Variants in GDPD1 observed in about 807,000 individuals in gnomAD.
GDPD1 encodes glycerophosphodiester phosphodiesterase domain containing 1.
In GDPD1, 28 loss-of-function variants were observed where a neutral mutation model predicts 45.1. That is an observed-to-expected ratio of 0.62 (90% CI 0.46 to 0.85). The LOEUF (loss-of-function observed/expected upper bound fraction) is 0.85. Among genes scored for constraint, GDPD1 ranks in the 40% least tolerant of loss-of-function variants. The probability of loss-of-function intolerance (pLI) is 0.00; values close to 1 mark genes in which losing one functional copy is unlikely to be tolerated. For synonymous variants in GDPD1, 139 were observed against 131.4 expected, an observed-to-expected ratio of 1.06 and a Z score of -0.40; for missense variants, 256 against 364.8, an observed-to-expected ratio of 0.70 and a Z score of 2.43.
intron 3 of GDPD1, among the ~76,000 whole-genome samples, chr17:59,246,709 CAAAAAA>C (rs749077536): frequency 7.3e-5 from 2 of 27,566 alleles, no homozygotes; most frequent in South Asian, 2.6e-3. Flanking sequence ...GACTCCATCT[CAAAAAA>C]AAAAAAAAAA....
intron 4 of GDPD1, among the ~76,000 whole-genome samples, chr17:59,255,743 CAAAAAA>C (rs1174794003): frequency 3.1e-3 from 82 of 26,574 alleles, no homozygotes; most frequent in East Asian, 8.8e-3. Flanking sequence ...AACTCCGTCT[CAAAAAA>C]AAAAAAAAAA....
intron 6 of GDPD1, among the ~76,000 whole-genome samples, chr17:59,262,641 T>TG (rs969159846): frequency 1.3e-5 from 2 of 149,972 alleles, no homozygotes; most frequent in East Asian, 1.9e-4. Context: ...TTTTTTTTGT[T>TG]TTTTTTTTTT....
intron 1 of GDPD1, among the ~76,000 whole-genome samples, chr17:59,227,860 A>C (rs1267406383): frequency 1.3e-5 from 2 of 152,222 alleles, no homozygotes; most frequent in Non-Finnish European, 2.9e-5. Flanking sequence ...ATGTTAAGAA[A>C]TGAAAAGTTA....
chr17:59,255,756 AAAAAAAAT>A (rs1191865309), intron 4 of GDPD1, among the ~76,000 whole-genome samples: 4 of 80,854 alleles, frequency 4.9e-5, no homozygotes, highest in African/African-American at 1.6e-4. Context: ...AAAAAAAAAA[AAAAAAAAT>A]ATATATATAT....
intron 2 of GDPD1, among the ~76,000 whole-genome samples, chr17:59,236,118 A>AT (rs1007583067): frequency 2.0e-5 from 3 of 152,022 alleles, no homozygotes; most frequent in African/African-American, 4.8e-5. Context: ...TTTTCTCCAT[A>AT]TTTTTTTGTT....
chr17:59,248,291 C>A (rs2047227634), intron 3 of GDPD1, among the ~76,000 whole-genome samples: 1 of 151,108 alleles, frequency 6.6e-6, no homozygotes, highest in African/African-American at 2.4e-5. Context: ...AGAGTGATAC[C>A]CTGTCTCAAA....
At chr17:59,250,460 A>G (rs1020735304) in intron 4 of GDPD1, among the ~76,000 whole-genome samples, 1 of 151,954 alleles carries the variant, frequency 6.6e-6, no homozygotes, top group East Asian at 1.9e-4. Context: ...GTCTCTAAAA[A>G]AAATATTAGC....
chr17:59,244,205 G>A (rs1271756359), intron 2 of GDPD1, among the ~76,000 whole-genome samples: 1 of 152,124 alleles, frequency 6.6e-6, no homozygotes, highest in Non-Finnish European at 1.5e-5. Context: ...CCGGGGTCTT[G>A]CGTCCCTTCT....
Position 59,239,398 on chromosome 17 carries a change from AT to A in GDPD1, c.185+4873del, listed in dbSNP as rs955568938. The stretch of plus-strand genomic sequence containing the variant: ...TTGGCATCTCCAACTTCTTTTTTGT[AT>A]TTTTTTTTGTATTTGTCAACAGCTT... On this transcript the variant is annotated intron_variant, in intron 2 of 9. Coordinates refer to ENST00000284116, the MANE Select transcript of GDPD1 (RefSeq NM_182569.4). Among the ~76,000 whole-genome samples the A allele has an allele frequency of 6.0e-5, 9 of 149,942 alleles. No individual in the cohort carries two copies. In the East Asian group the frequency reaches 1.4e-3, roughly 23 times the overall value.
At chr17:59,231,035 C>T (rs530009139) in intron 1 of GDPD1, among the ~76,000 whole-genome samples, 2 of 152,238 alleles carry the variant, frequency 1.3e-5, no homozygotes, top group South Asian at 2.1e-4. Flanking sequence ...CTTACCAGTC[C>T]GTTATGCTAC....
At chr17:59,248,362 C>T (rs1025345528) in intron 3 of GDPD1, among the ~76,000 whole-genome samples, 1 of 151,454 alleles carries the variant, frequency 6.6e-6, no homozygotes, top group African/African-American at 2.4e-5. Flanking sequence ...TATAATTATA[C>T]CAAAATTTGC....
intron 1 of GDPD1, among the ~76,000 whole-genome samples, chr17:59,223,160 T>C (rs1360224473): frequency 6.6e-6 from 1 of 152,180 alleles, no homozygotes; most frequent in East Asian, 1.9e-4. Context: ...TTTAAAACTA[T>C]TTTCTTCCTA....
chr17:59,251,991 C>CA (rs34224346), intron 4 of GDPD1, among the ~76,000 whole-genome samples: 1,384 of 60,564 alleles, frequency 0.023, 91 homozygotes, highest in African/African-American at 0.06. Context: ...GACTCAGTCT[C>CA]AAAAAAAAAA....
chr17:59,258,506 G>T (rs1006292685), intron 6 of GDPD1, among the ~76,000 whole-genome samples: 1 of 152,092 alleles, frequency 6.6e-6, no homozygotes, highest in African/African-American at 2.4e-5. Context: ...TCATGCCACT[G>T]CACTCCAGTC....
chr17:59,261,949 G>A (rs1318979805), intron 6 of GDPD1, among the ~76,000 whole-genome samples: 1 of 107,778 alleles, frequency 9.3e-6, no homozygotes, highest in Non-Finnish European at 1.7e-5. Flanking sequence ...ACGGAGTCTC[G>A]CTCTGTCGCC....
rs1356074917 is a variant in GDPD1, at chr17:59,238,558, C to T, written c.185+4024C>T. Among the ~76,000 whole-genome samples the T allele has an allele frequency of 2.0e-5, 3 of 151,698 alleles. No homozygotes were observed. The East Asian group carries it at 5.9e-4, about 30-fold the overall frequency. ...CCTCCCGAGTAGCTGGGACTACAGG[C>T]GCATGCCAGCATGCCCAGCTAATTT... On this transcript the variant is annotated intron_variant, in intron 2 of 9. Coordinates refer to ENST00000284116, the MANE Select transcript of GDPD1 (RefSeq NM_182569.4).
At chr17:59,263,661 G>T (rs1269539692) in intron 6 of GDPD1, among the ~76,000 whole-genome samples, 1 of 151,166 alleles carries the variant, frequency 6.6e-6, no homozygotes, top group African/African-American at 2.4e-5. Flanking sequence ...TGTATTTTTA[G>T]TAGAGACGGG....
chr17:59,243,192 GA>G (rs979919340), intron 2 of GDPD1, among the ~76,000 whole-genome samples: 23 of 149,260 alleles, frequency 1.5e-4, no homozygotes, highest in African/African-American at 4.9e-4. Context: ...CTGTCTAAAA[GA>G]AAAAAAAAAT....
rs971099142 is a variant in GDPD1 at position 59,274,647 on chromosome 17, T to TGGGC, written c.*875_*878dup. 6.9e-6 allele frequency: 1 copy of TGGGC among 145,718 alleles called. No individual in the cohort carries two copies. The highest frequency in any genetic ancestry group is 1.5e-5 in the Non-Finnish European group (1 of 66,964). 9.0% of individuals were successfully genotyped at this position (145,718 alleles called of 1,614,324 possible). On this transcript the variant is annotated 3_prime_UTR_variant, in exon 10 of 10. Coordinates refer to ENST00000284116, the MANE Select transcript of GDPD1 (RefSeq NM_182569.4). ...ACAAAAAATTAGCTGGGCGTGGTGG[T>TGGGC]GGGCACCTTAGTCCCAGCTACTCGG...
Sources: allele counts gnomAD v4.1 joint callset (sites outside exome capture counted in the v4.1 genomes callset), GRCh38; gene constraint gnomAD v4.1.1; transcripts MANE v1.5; gene names NCBI Gene and HGNC (gene_info 2026-07-23, HGNC 2026-07-21).